The following PALS2 variants were observed in gnomAD, a reference collection of about 807,000 sequenced individuals.
PALS2 encodes the protein protein associated with LIN7 2, MAGUK p55 family member.
PALS2 carries 27 observed loss-of-function variants against 61.6 expected under a neutral mutation model. The ratio of observed to expected loss-of-function variants is 0.44; its 90% confidence interval spans 0.32 to 0.60. PALS2 has a LOEUF of 0.60. Among genes scored for constraint, PALS2 ranks in the 20% least tolerant of loss-of-function variants. The pLI, the probability that PALS2 is intolerant of heterozygous loss-of-function variation, is 0.05. For missense variants in PALS2, 554 were observed against 639.4 expected, an observed-to-expected ratio of 0.87 and a Z score of 1.44; for synonymous variants, 236 against 218.6, an observed-to-expected ratio of 1.08 and a Z score of -0.70.
chr7:24,631,098 G>T (rs1209192639), intron 2 of PALS2, among the ~76,000 whole-genome samples: 1 of 152,172 alleles, frequency 6.6e-6, no homozygotes, highest in Non-Finnish European at 1.5e-5. Context: ...TCCTCTAATG[G>T]ATCTGGATAA....
chr7:24,642,656 C>G (rs1380660075), intron 3 of PALS2, among the ~76,000 whole-genome samples: 1 of 152,138 alleles, frequency 6.6e-6, no homozygotes, highest in African/African-American at 2.4e-5. Context: ...CAAATGGTAA[C>G]AGCCTTTTGC....
At chr7:24,651,653 T>C (rs1003370099) in intron 5 of PALS2, among the ~76,000 whole-genome samples, 1 of 152,128 alleles carries the variant, frequency 6.6e-6, no homozygotes, top group African/African-American at 2.4e-5. Context: ...GATAGGAGTG[T>C]TGGAACCAAA....
intron 3 of PALS2, among the ~76,000 whole-genome samples, chr7:24,648,622 GA>G (rs918197088): frequency 6.6e-6 from 1 of 151,532 alleles, no homozygotes; most frequent in Non-Finnish European, 1.5e-5. Context: ...GATAAGAAAT[GA>G]AAAAAAATTT....
intron 3 of PALS2, among the ~76,000 whole-genome samples, chr7:24,646,192 G>A (rs562737997): frequency 6.6e-6 from 1 of 152,148 alleles, no homozygotes; most frequent in African/African-American, 2.4e-5. Context: ...ATACTATGTT[G>A]AATAGAAGTG....
Position 24,690,678 on chromosome 7 carries a change from A to T in PALS2, c.*3064A>T, listed in dbSNP as rs1285885494. On this transcript the variant is annotated 3_prime_UTR_variant, in exon 12 of 12. Transcript: ENST00000222644. ...AAAAAGTAGAATTTTCACTTTCATTACAGCCATGCCTTTATTATGCAGTCT... is the reference window on the plus strand; with the variant it reads ...AAAAAGTAGAATTTTCACTTTCATTTCAGCCATGCCTTTATTATGCAGTCT... The T allele has an allele frequency of 6.6e-6, 1 of 152,240 alleles. No individual in the cohort carries two copies. The highest frequency in any genetic ancestry group is 1.9e-4 in the East Asian group (1 of 5,204). 9.4% of individuals were successfully genotyped at this position (152,240 alleles called of 1,614,324 possible). A position where few individuals can be genotyped will look rare whatever the true frequency, so the allele number is the denominator to read the frequency against.
At chr7:24,661,368 C>G (rs950464861) in intron 5 of PALS2, among the ~76,000 whole-genome samples, 4 of 151,508 alleles carry the variant, frequency 2.6e-5, no homozygotes, top group African/African-American at 7.3e-5. Flanking sequence ...AATCTTTTAC[C>G]TTTGAGAGAT....
chr7:24,623,911 C>T, intron 2 of PALS2, 127 bp downstream of exon 2: 1 of 951,076 alleles, frequency 1.1e-6, no homozygotes, highest in South Asian at 1.7e-5. Context: ...TAAAAACATT[C>T]AGCACATAAT....
intron 1 of PALS2, among the ~76,000 whole-genome samples, chr7:24,582,608 G>T (rs959479970): frequency 1.3e-5 from 2 of 151,662 alleles, no homozygotes; most frequent in East Asian, 1.9e-4. Flanking sequence ...GAGTGGATTT[G>T]TCTTCTTTTT....
At chr7:24,615,347 A>G (rs1345323063) in intron 1 of PALS2, among the ~76,000 whole-genome samples, 1 of 151,974 alleles carries the variant, frequency 6.6e-6, no homozygotes, top group Admixed American at 6.5e-5. Flanking sequence ...GGTTTTTTAA[A>G]AAGATAAAAT....
Position 24,637,603 on chromosome 7 carries a change from A to G in PALS2, c.118-4113A>G, listed in dbSNP as rs146568090. ...AAAAGATAGAAACAAAATTTATGAT[A>G]TGGTCCTTGTGTTTTAGAAAGACCA... On this transcript the variant is annotated intron_variant, in intron 2 of 11. Coordinates refer to ENST00000222644, the MANE Select transcript of PALS2 (RefSeq NM_001303037.2). Among the ~76,000 whole-genome samples, 15 of 152,318 alleles carry G rather than the reference A, an allele frequency of 9.8e-5. No individual in the cohort carries two copies. In the East Asian group the frequency reaches 2.7e-3, roughly 27 times the overall value.
intron 11 of PALS2, among the ~76,000 whole-genome samples, chr7:24,684,657 T>C (rs1430318962): frequency 1.3e-5 from 2 of 152,200 alleles, no homozygotes; most frequent in Admixed American, 6.5e-5. Flanking sequence ...TAACCAGAAG[T>C]AGGAAATAAA....
At chr7:24,612,487 A>AT (rs1049094277) in intron 1 of PALS2, among the ~76,000 whole-genome samples, 11 of 150,990 alleles carry the variant, frequency 7.3e-5, no homozygotes, top group South Asian at 4.2e-4. Context: ...GGATTTATTC[A>AT]TTTTTTTTTA....
rs777780457 is a variant in PALS2, at chr7:24,689,695, C to T, written c.*2081C>T. On this transcript the variant is annotated 3_prime_UTR_variant, in exon 12 of 12. Transcript: ENST00000222644. The stretch of plus-strand genomic sequence containing the variant: ...AAAATGGATTATACTATTTTAATAA[C>T]AGTGGAAACTTTCAAACTACATGTG... 23 of 149,428 alleles carry T rather than the reference C, an allele frequency of 1.5e-4. No individual in the cohort carries two copies. The highest frequency in any genetic ancestry group is 3.4e-4 in the Admixed American group (5 of 14,772). The allele number at this position is 149,428 out of a possible 1,614,324, so 9.3% of individuals were successfully genotyped here.
chr7:24,671,974 T>G (rs1317024105), intron 9 of PALS2, among the ~76,000 whole-genome samples: 1 of 151,764 alleles, frequency 6.6e-6, no homozygotes, highest in Non-Finnish European at 1.5e-5. Flanking sequence ...CCAGGAATTG[T>G]GAACCCAACT....
At chr7:24,672,565 T>C (rs1215757099) in intron 9 of PALS2, among the ~76,000 whole-genome samples, 3 of 152,182 alleles carry the variant, frequency 2.0e-5, no homozygotes, top group Admixed American at 2.0e-4. Flanking sequence ...TCTCTCTGTT[T>C]ATTTAGGTTT....
At chr7:24,613,612 C>G (rs989663197) in intron 1 of PALS2, among the ~76,000 whole-genome samples, 2 of 151,834 alleles carry the variant, frequency 1.3e-5, no homozygotes, top group Non-Finnish European at 3.0e-5. Context: ...CGAATATCCT[C>G]TCTTCAGCCG....
chr7:24,679,147 A>G lies in PALS2; in HGVS notation c.1131A>G (p.Pro377=). 6.2e-7 allele frequency: 1 copy of G among 1,613,844 alleles called. No individual in the cohort carries two copies. The highest frequency in any genetic ancestry group is 8.5e-7 in the Non-Finnish European group (1 of 1,179,740). Residue 377 remains proline (P), a synonymous_variant, in exon 10 of 12, where the codon CCA becomes CCG. Coordinates refer to ENST00000222644, the MANE Select transcript of PALS2 (RefSeq NM_001303037.2). ...GTTVPFTSRK[P]REDEKDGQAY... ...TTTATTTAGTTACTTCACGGAAACC[A>G]AGGGAAGATGAAAAAGATGGCCAGG...
At chr7:24,644,716 CT>C (rs932909388) in intron 3 of PALS2, among the ~76,000 whole-genome samples, 4 of 151,996 alleles carry the variant, frequency 2.6e-5, no homozygotes, top group African/African-American at 9.7e-5. Context: ...TTTGATGAAT[CT>C]CCATACTGCT....
At chr7:24,637,814 C>T (rs1785313090) in intron 2 of PALS2, among the ~76,000 whole-genome samples, 1 of 152,100 alleles carries the variant, frequency 6.6e-6, no homozygotes, top group Non-Finnish European at 1.5e-5. Flanking sequence ...ATAAAATTCT[C>T]AGAACTGGAT....
Sources: gnomAD v4.1 joint callset for allele counts (sites outside exome capture counted in the v4.1 genomes callset) on GRCh38, gnomAD v4.1.1 for gene constraint, MANE v1.5 for transcripts, NCBI Gene and HGNC (gene_info 2026-07-23, HGNC 2026-07-21) for gene names.